The following TAFA2 variants were observed in gnomAD, a reference collection of about 807,000 sequenced individuals.
TAFA2 encodes chemokine-like protein TAFA-2.
In TAFA2, 7 loss-of-function variants were observed where a neutral mutation model predicts 18.8. The ratio of observed to expected loss-of-function variants is 0.37; its 90% CI spans 0.21 to 0.70. The LOEUF (loss-of-function observed/expected upper bound fraction) is 0.70, where lower values mean the gene tolerates loss of function less well. Ranked by LOEUF, TAFA2 falls within the 30% of genes least tolerant of loss-of-function variation. The probability of loss-of-function intolerance (pLI) is 0.53; values close to 1 mark genes in which losing one functional copy is unlikely to be tolerated. For synonymous variants in TAFA2, 60 were observed against 54.2 expected (o/e 1.11, Z -0.47); for missense variants, 122 against 158.1 (o/e 0.77, Z 1.23).
intron 1 of TAFA2, among the ~76,000 whole-genome samples, chr12:62,014,799 A>G (rs957350064): frequency 6.6e-6 from 1 of 152,182 alleles, no homozygotes; most frequent in African/African-American, 2.4e-5. Context: ...ACATAAATTG[A>G]TAATTCTTAT....
chr12:62,145,273 A>G (rs1248321661), intron 1 of TAFA2, among the ~76,000 whole-genome samples: 1 of 152,184 alleles, frequency 6.6e-6, no homozygotes, highest in Non-Finnish European at 1.5e-5. Context: ...TAGTCCAGAG[A>G]GCAGTACCGC....
chr12:62,014,588 C>T (rs1045781396), intron 1 of TAFA2, among the ~76,000 whole-genome samples: 8 of 152,030 alleles, frequency 5.3e-5, no homozygotes, highest in South Asian at 2.1e-4. Context: ...GCAGAGATGG[C>T]GCCACTGCAC....
At position 62,222,568 on chromosome 12, in the gene TAFA2, T is replaced by C. The variant is rs556681278; in HGVS notation, c.-130+36195A>G. ...TGTCGCCCAGGCTGGAGTGCCGTGA[T>C]GCGATCTCGGCTCAGTGCAAGCTCC... On this transcript the variant is annotated intron_variant, in intron 1 of 5. Coordinates refer to the TAFA2 transcript ENST00000551619. 8.9e-4 allele frequency among the ~76,000 whole-genome samples: 136 copies of C among 152,050 alleles called. 2 individuals carry two copies. Among genetic ancestry groups the C allele is most frequent in the African/African-American group, 3.0e-3 (125 of 41,484 alleles).
rs1360129086 is a variant in TAFA2, at chr12:61,733,445, T to G, written c.384+20177A>C. Reference sequence around the variant, plus strand: ...TCTTTAATCCATCTTGAATTAATTTTTGTATAAGATGTAAGGAAGGGATCC... The same window carrying G: ...TCTTTAATCCATCTTGAATTAATTTGTGTATAAGATGTAAGGAAGGGATCC... On this transcript the variant is annotated intron_variant, in intron 4 of 4. Coordinates refer to ENST00000416284, the MANE Select transcript of TAFA2 (RefSeq NM_178539.5). Among the ~76,000 whole-genome samples, 3 of 152,190 alleles carry G rather than the reference T, an allele frequency of 2.0e-5. No homozygotes were observed. The East Asian group carries it at 5.8e-4, about 29-fold the overall frequency.
At chr12:61,807,875 A>G (rs1871691709) in intron 2 of TAFA2, among the ~76,000 whole-genome samples, 1 of 151,660 alleles carries the variant, frequency 6.6e-6, no homozygotes, top group South Asian at 2.1e-4. Context: ...CAATGCCTGT[A>G]ACCCCATTGT....
intron 1 of TAFA2, among the ~76,000 whole-genome samples, chr12:62,221,883 A>G (rs2062764537): frequency 6.6e-6 from 1 of 152,216 alleles, no homozygotes; most frequent in Non-Finnish European, 1.5e-5. Flanking sequence ...TAAAAGGGTG[A>G]TAAGAGAAAG....
At chr12:62,046,565 A>G (rs1881914938) in intron 1 of TAFA2, among the ~76,000 whole-genome samples, 1 of 152,138 alleles carries the variant, frequency 6.6e-6, no homozygotes, top group Non-Finnish European at 1.5e-5. Context: ...GGCTGTCTAC[A>G]CAGAATAAAT....
At chr12:61,910,130 GTGTGTT>G in intron 1 of TAFA2, among the ~76,000 whole-genome samples, 1 of 109,644 alleles carries the variant, frequency 9.1e-6, no homozygotes. Context: ...GTGTGTGTGT[GTGTGTT>G]TTGGGGGCTG....
At chr12:61,828,091 A>G (rs917836437) in intron 2 of TAFA2, among the ~76,000 whole-genome samples, 1 of 151,978 alleles carries the variant, frequency 6.6e-6, no homozygotes, top group Non-Finnish European at 1.5e-5. Context: ...GGCAACAGAA[A>G]GTTCAATGAT....
intron 1 of TAFA2, among the ~76,000 whole-genome samples, chr12:62,084,788 C>T (rs556934501): frequency 4.6e-5 from 7 of 152,268 alleles, no homozygotes; most frequent in African/African-American, 1.7e-4. Flanking sequence ...GATATGCATT[C>T]AGCAGAACTA....
chr12:61,955,375 G>C (rs1447278282), intron 1 of TAFA2, among the ~76,000 whole-genome samples: 1 of 151,330 alleles, frequency 6.6e-6, no homozygotes, highest in Non-Finnish European at 1.5e-5. Flanking sequence ...AGGCTGAGGA[G>C]GGCAGATTAA....
chr12:61,777,159 G>A (rs1244884610), intron 2 of TAFA2, among the ~76,000 whole-genome samples: 1 of 151,870 alleles, frequency 6.6e-6, no homozygotes, highest in South Asian at 2.1e-4. Flanking sequence ...ACCAATTAAT[G>A]AATCAAAGAC....
At position 61,709,390 on chromosome 12, in the gene TAFA2, G is replaced by T. The variant is rs1039176251; in HGVS notation, c.*1016C>A. ...GAACAAATATATAAGCATTCAAACA[G>T]TCATTGGGATCAAGCAAAAGAAAGT... On this transcript the variant is annotated 3_prime_UTR_variant, in exon 5 of 5. Transcript: ENST00000416284. The T allele has an allele frequency of 1.3e-5, 2 of 152,014 alleles. No homozygotes were observed. Among genetic ancestry groups the T allele is most frequent in the African/African-American group, 4.8e-5 (2 of 41,414 alleles). The allele number at this position is 152,014 out of a possible 1,614,324, so 9.4% of individuals were successfully genotyped here. A position where few individuals can be genotyped will look rare whatever the true frequency, so the allele number is the denominator to read the frequency against.
chr12:61,943,371 G>A (rs568758352), intron 1 of TAFA2, among the ~76,000 whole-genome samples: 357 of 151,382 alleles, frequency 2.4e-3, no homozygotes, highest in Non-Finnish European at 2.2e-3. Flanking sequence ...AAAGATCATC[G>A]AGACTAGGAA....
At chr12:61,836,756 T>TATATATATATATATCTATAC (rs68158949) in intron 2 of TAFA2, among the ~76,000 whole-genome samples, 1 of 119,848 alleles carries the variant, frequency 8.3e-6, no homozygotes, top group Non-Finnish European at 1.8e-5. Context: ...TATATATATA[T>TATATATATATATATCTATAC]ACACACACAC....
At chr12:61,751,004 G>A (rs1868986822) in intron 4 of TAFA2, among the ~76,000 whole-genome samples, 1 of 151,984 alleles carries the variant, frequency 6.6e-6, no homozygotes. Flanking sequence ...CAGACATATG[G>A]ACAGTAATAC....
chr12:62,074,225 C>G (rs1882704385), intron 1 of TAFA2, among the ~76,000 whole-genome samples: 1 of 152,224 alleles, frequency 6.6e-6, no homozygotes, highest in Non-Finnish European at 1.5e-5. Flanking sequence ...TGTGCTCAGA[C>G]AGTACCATGG....
intron 1 of TAFA2, among the ~76,000 whole-genome samples, chr12:62,173,397 G>C (rs967416623): frequency 1.3e-5 from 2 of 152,122 alleles, no homozygotes; most frequent in African/African-American, 4.8e-5. Flanking sequence ...GGGTGACAGA[G>C]CAAGACTCCA....
At chr12:61,795,829 A>G (rs1446572636) in intron 2 of TAFA2, among the ~76,000 whole-genome samples, 1 of 152,014 alleles carries the variant, frequency 6.6e-6, no homozygotes, top group African/African-American at 2.4e-5. Flanking sequence ...TAGAATAATC[A>G]AGACTTACAG....
Sources: allele counts gnomAD v4.1 joint callset (sites outside exome capture counted in the v4.1 genomes callset), GRCh38; gene constraint gnomAD v4.1.1; transcripts MANE v1.5; gene names NCBI Gene and HGNC (gene_info 2026-07-23, HGNC 2026-07-21).